Variants in FLRT1 observed in about 807,000 individuals in gnomAD.
FLRT1 encodes the protein fibronectin leucine rich transmembrane protein 1.
A neutral mutation model predicts 30.9 loss-of-function variants in FLRT1; 14 were observed. That is an observed-to-expected ratio of 0.45 (90% CI 0.30 to 0.71). The LOEUF is 0.71. Among genes scored for constraint, FLRT1 ranks in the 30% least tolerant of loss-of-function variants. The probability of loss-of-function intolerance (pLI) is 0.08; values close to 1 mark genes in which losing one functional copy is unlikely to be tolerated. For missense variants in FLRT1, 737 were observed against 949.2 expected, an observed-to-expected ratio of 0.78 and a Z score of 2.94; for synonymous variants, 368 against 430.4, an observed-to-expected ratio of 0.85 and a Z score of 1.80.
chr11:64,041,288 G>A lies in FLRT1; in HGVS notation c.-1038+5129G>A, dbSNP rs1943482204. Among the ~76,000 whole-genome samples, 4 of 149,042 alleles carry A rather than the reference G, an allele frequency of 2.7e-5. No individual in the cohort carries two copies. In the South Asian group the frequency reaches 8.7e-4, roughly 32 times the overall value. On this transcript the variant is annotated intron_variant, in intron 1 of 2. Transcript: ENST00000682287. ...AGGGAATGCCTTCCGTGAGGAGCCG[G>A]CATTTATCTCCAGAAGCAAATTGCT...
Position 64,090,235 on chromosome 11 carries a change from C to T in FLRT1, c.-1037-12959C>T, listed in dbSNP as rs1217212719. Among the ~76,000 whole-genome samples the T allele has an allele frequency of 6.6e-6, 1 of 152,138 alleles. No homozygotes were observed. The highest frequency in any genetic ancestry group is 1.5e-5 in the Non-Finnish European group (1 of 68,012). On this transcript the variant is annotated intron_variant, in intron 1 of 2. Transcript: ENST00000682287. This position sits in a 1 kb window ranked among gnomAD's most constrained non-coding sequence, Gnocchi z 4.7. ...ACAGGGTGTGGGAAAGGCCAACGGG[C>T]GTGTGGGTCTCCAGCCTTTGCTCAT...
chr11:64,095,754 A>G (rs553506299), intron 1 of FLRT1, among the ~76,000 whole-genome samples: 7 of 152,356 alleles, frequency 4.6e-5, no homozygotes, highest in East Asian at 3.9e-4. Flanking sequence ...CTGGACCCCC[A>G]GCACTAGCAC....
chr11:64,116,991 G>C lies in FLRT1; in HGVS notation c.724G>C (p.Asp242His), dbSNP rs779806631. Residue 242 changes from aspartate (D) to histidine (H), a missense_variant, in exon 3 of 3, where the codon GAC (aspartate) becomes CAC (histidine). Asp to His is a moderately conservative substitution (Grantham distance 81). Transcript: ENST00000682287. ...NLLANQRIAD[D>H]TFSRLQNLTE... ...GCTGGCCAACCAGCGCATCGCCGAC[G>C]ACACCTTCAGCCGCCTACAGAACCT... The C allele has an allele frequency of 6.2e-7, 1 of 1,612,410 alleles. No homozygotes were observed. Among genetic ancestry groups the C allele is most frequent in the African/African-American group, 1.3e-5 (1 of 74,926 alleles).
At chr11:64,081,086 A>T (rs1310973904) in intron 1 of FLRT1, among the ~76,000 whole-genome samples, 1 of 152,162 alleles carries the variant, frequency 6.6e-6, no homozygotes, top group Non-Finnish European at 1.5e-5. Context: ...CAGTGGCATG[A>T]TCTCAGCTCA....
chr11:64,075,742 AG>A (rs1944188559), intron 1 of FLRT1, among the ~76,000 whole-genome samples: 1 of 152,210 alleles, frequency 6.6e-6, no homozygotes, highest in Non-Finnish European at 1.5e-5. Flanking sequence ...GCACAATCTC[AG>A]CTCACTGCAA....
At position 64,116,609 on chromosome 11, in the gene FLRT1, C is replaced by T. The variant is rs772794847; in HGVS notation, c.342C>T (p.Tyr114=). The change falls in exon 3 of 3, where the codon TAC becomes TAT. Residue 114 remains tyrosine, a synonymous_variant. Coordinates refer to ENST00000682287, the MANE Select transcript of FLRT1 (RefSeq NM_013280.5). Reference sequence around the variant, plus strand: ...TCAACGTGCAGGTCATCTACCTATACGAGAATGACCTGGATGAGTTCCCCA... The same window carrying T: ...TCAACGTGCAGGTCATCTACCTATATGAGAATGACCTGGATGAGTTCCCCA... ...TKVNVQVIYL[Y]ENDLDEFPIN... 45 of 1,614,086 alleles carry T rather than the reference C, an allele frequency of 2.8e-5. No homozygotes were observed. In the East Asian group the frequency reaches 5.3e-4, roughly 19 times the overall value.
intron 1 of FLRT1, among the ~76,000 whole-genome samples, chr11:64,078,787 G>A (rs928848582): frequency 6.6e-6 from 1 of 152,092 alleles, no homozygotes; most frequent in African/African-American, 2.4e-5. Flanking sequence ...GTGACTGCAG[G>A]GGGGGAGGCC....
At position 64,118,660 on chromosome 11, in the gene FLRT1, T is replaced by A. The variant is rs766420782; in HGVS notation, c.*368T>A. 3.1e-5 allele frequency: 6 copies of A among 194,142 alleles called. 1 individual carries two copies. The highest frequency in any genetic ancestry group is 1.1e-4 in the Admixed American group (2 of 17,958). 12.0% of individuals were successfully genotyped at this position (194,142 alleles called of 1,614,324 possible). On this transcript the variant is annotated 3_prime_UTR_variant, in exon 3 of 3. Coordinates refer to ENST00000682287, the MANE Select transcript of FLRT1 (RefSeq NM_013280.5). ...TACAACATCTGTGGACACCTCATGC[T>A]CTGTTCAAGGCCATCACAAAGGAAC...
chr11:64,097,873 C>T (rs556884568), intron 1 of FLRT1, among the ~76,000 whole-genome samples: 4 of 152,278 alleles, frequency 2.6e-5, no homozygotes, highest in South Asian at 4.2e-4. Context: ...CATAGCAAGC[C>T]GGCTGTCCAT....
rs901417109 is a variant in FLRT1, at chr11:64,090,759, G to A, written c.-1037-12435G>A. Among the ~76,000 whole-genome samples, 1 of 152,134 alleles carries A rather than the reference G, an allele frequency of 6.6e-6. No homozygotes were observed. Among genetic ancestry groups the A allele is most frequent in the African/African-American group, 2.4e-5 (1 of 41,438 alleles). ...CACCACATCCCAAGACTAAAAGGGGGGCGGGGTGGCGGCGTCTCTCCACCA... is the reference window on the plus strand; with the variant it reads ...CACCACATCCCAAGACTAAAAGGGGAGCGGGGTGGCGGCGTCTCTCCACCA... On this transcript the variant is annotated intron_variant, in intron 1 of 2. Coordinates refer to ENST00000682287, the MANE Select transcript of FLRT1 (RefSeq NM_013280.5). This position sits in a 1 kb window ranked among gnomAD's most constrained non-coding sequence, Gnocchi z 4.7.
At position 64,051,306 on chromosome 11, in the gene FLRT1, A is replaced by T. The variant is rs1943689829; in HGVS notation, c.-1038+15147A>T. 5.3e-5 allele frequency among the ~76,000 whole-genome samples: 8 copies of T among 152,346 alleles called. No individual in the cohort carries two copies. In the South Asian group the frequency reaches 1.7e-3, roughly 32 times the overall value. ...TCCCTCTTTTGAAGTAGCTCTGGGC[A>T]GACACCTGCCTTGACGGCCCTCTGG... On this transcript the variant is annotated intron_variant, in intron 1 of 2. Transcript: ENST00000682287.
intron 1 of FLRT1, among the ~76,000 whole-genome samples, chr11:64,056,052 AG>A (rs1943779957): frequency 6.6e-6 from 1 of 152,172 alleles, no homozygotes; most frequent in Admixed American, 6.5e-5. Context: ...CCTGTGGGCC[AG>A]GGTTGGCAGG....
intron 1 of FLRT1, among the ~76,000 whole-genome samples, chr11:64,079,347 G>A (rs1485746665): frequency 6.6e-6 from 1 of 151,834 alleles, no homozygotes; most frequent in Non-Finnish European, 1.5e-5. Flanking sequence ...GGAGGTTACG[G>A]TTAAAGGGGA....
At chr11:64,058,791 G>A (rs1943841718) in intron 1 of FLRT1, among the ~76,000 whole-genome samples, 1 of 152,210 alleles carries the variant, frequency 6.6e-6, no homozygotes, top group African/African-American at 2.4e-5. Flanking sequence ...CATCGGCCAG[G>A]GCCTGGATCC....
chr11:64,114,882 C>T (rs1434565418), intron 2 of FLRT1, among the ~76,000 whole-genome samples: 2 of 152,176 alleles, frequency 1.3e-5, no homozygotes, highest in South Asian at 2.1e-4. Context: ...AACATTTGAG[C>T]TGGGTCCTGC....
intron 1 of FLRT1, among the ~76,000 whole-genome samples, chr11:64,088,803 G>A (rs994547472): frequency 3.3e-5 from 5 of 152,162 alleles, no homozygotes; most frequent in Non-Finnish European, 4.4e-5. Context: ...GCACATGATG[G>A]GCTCTTGGTG....
Position 64,036,321 on chromosome 11 carries a change from G to A in FLRT1, c.-1038+162G>A, listed in dbSNP as rs998936780. 5.9e-5 allele frequency among the ~76,000 whole-genome samples: 9 copies of A among 152,130 alleles called. No individual in the cohort carries two copies. The highest frequency in any genetic ancestry group is 2.0e-4 in the Admixed American group (3 of 15,282). ...GCGGGAGATGGGACGCCCAGCCTTT[G>A]GGATTTGGGGTGGGGGTCCCTGAGT... On this transcript the variant is annotated intron_variant, in intron 1 of 2. Coordinates refer to ENST00000682287, the MANE Select transcript of FLRT1 (RefSeq NM_013280.5). This position sits in a 1 kb window ranked among gnomAD's most constrained non-coding sequence, Gnocchi z 5.6.
chr11:64,083,663 G>A (rs537897866), intron 1 of FLRT1, among the ~76,000 whole-genome samples: 5 of 152,356 alleles, frequency 3.3e-5, no homozygotes, highest in East Asian at 1.9e-4. Context: ...TGCCAACGCC[G>A]GGTCAGAGCT....
At chr11:64,050,684 T>C (rs1943676587) in intron 1 of FLRT1, among the ~76,000 whole-genome samples, 2 of 152,208 alleles carry the variant, frequency 1.3e-5, no homozygotes, top group Non-Finnish European at 2.9e-5. Context: ...AGTGGCGCGA[T>C]CATGGCTCAC....
Sources: allele counts gnomAD v4.1 joint callset (sites outside exome capture counted in the v4.1 genomes callset), GRCh38; gene constraint gnomAD v4.1.1; non-coding constraint Gnocchi (gnomAD v3.1); transcripts MANE v1.5; gene names NCBI Gene and HGNC (gene_info 2026-07-23, HGNC 2026-07-21).